Variants in NTM observed in about 807,000 individuals in gnomAD.
NTM encodes IgLON family member 2.
NTM carries 13 observed loss-of-function variants against 42.1 expected under a neutral mutation model. That is an observed-to-expected ratio of 0.31 (90% confidence interval 0.20 to 0.49). The LOEUF (loss-of-function observed/expected upper bound fraction) is 0.49. NTM is among the 20% of genes least tolerant of loss of function. The pLI is 0.99. For missense variants in NTM, 373 were observed against 452.8 expected (o/e 0.82, Z 1.60); for synonymous variants, 187 against 179.2 (o/e 1.04, Z -0.35).
chr11:131,393,306 G>A (rs1209589510), intron 1 of NTM, among the ~76,000 whole-genome samples: 1 of 152,134 alleles, frequency 6.6e-6, no homozygotes, highest in Non-Finnish European at 1.5e-5. Context: ...CCCACACATG[G>A]GCTCCTTCAT....
Position 131,878,819 on chromosome 11 carries a change from A to G in NTM, c.83-32745A>G, listed in dbSNP as rs192186396. Among the ~76,000 whole-genome samples, 5 of 151,594 alleles carry G rather than the reference A, an allele frequency of 3.3e-5. No homozygotes were observed. In the East Asian group the frequency reaches 9.7e-4, roughly 30 times the overall value. On this transcript the variant is annotated intron_variant, in intron 1 of 8. Transcript: ENST00000683400. The stretch of plus-strand genomic sequence containing the variant: ...GGCTGATGCTGCACTCATGAGTAAT[A>G]TCTCTTTAACGATGACTCTCTCTTA...
rs183518090 is a variant in NTM, at chr11:131,471,356, G to A, written c.82+100468G>A. Among the ~76,000 whole-genome samples, 15 of 152,296 alleles carry A rather than the reference G, an allele frequency of 9.8e-5. No homozygotes were observed. The East Asian group carries it at 2.7e-3, about 27-fold the overall frequency. ...GTGCTCTCTGTCAGGCACTGTCCTA[G>A]GAGATTCAAGGGTGATGAAGGCAGC... On this transcript the variant is annotated intron_variant, in intron 1 of 8. Transcript: ENST00000683400.
At chr11:131,618,096 G>A (rs563253877) in intron 1 of NTM, among the ~76,000 whole-genome samples, 1 of 152,214 alleles carries the variant, frequency 6.6e-6, no homozygotes, top group Non-Finnish European at 1.5e-5. Flanking sequence ...TCATTTGCAA[G>A]CTGTGCATTT....
intron 4 of NTM, among the ~76,000 whole-genome samples, chr11:132,233,053 A>G (rs1352299635): frequency 6.6e-6 from 1 of 152,216 alleles, no homozygotes; most frequent in Non-Finnish European, 1.5e-5. Context: ...ACGTTAGGAC[A>G]CAGCTGGGCA....
chr11:131,687,353 T>C (rs749791675), intron 1 of NTM, among the ~76,000 whole-genome samples: 9 of 151,902 alleles, frequency 5.9e-5, no homozygotes, highest in Admixed American at 1.3e-4. Context: ...CCCCTTCCAA[T>C]TGCGGCTTCG....
intron 1 of NTM, among the ~76,000 whole-genome samples, chr11:131,878,843 T>C (rs937628781): frequency 2.4e-4 from 37 of 151,698 alleles, no homozygotes; most frequent in African/African-American, 8.5e-4. Flanking sequence ...GACTCTCTCT[T>C]AAAATAAAGT....
At chr11:131,601,576 C>G (rs1052720974) in intron 1 of NTM, among the ~76,000 whole-genome samples, 3 of 151,940 alleles carry the variant, frequency 2.0e-5, no homozygotes, top group Admixed American at 6.6e-5. Flanking sequence ...ACCTCAAACC[C>G]CCTTCCCTCT....
intron 3 of NTM, among the ~76,000 whole-genome samples, chr11:132,163,139 C>T (rs756768696): frequency 6.6e-5 from 10 of 152,268 alleles, no homozygotes; most frequent in East Asian, 3.9e-4. Flanking sequence ...GGCCCAGCCA[C>T]GGGCAAGCAT....
rs55748005 is a variant in NTM at position 131,529,623 on chromosome 11, G to A, written c.82+158735G>A. On this transcript the variant is annotated intron_variant, in intron 1 of 8. Coordinates refer to ENST00000683400, the MANE Select transcript of NTM (RefSeq NM_001352005.2). Reference sequence around the variant, plus strand: ...TTAACACGCACCAACTGAAATCAAGGCTGCTCGGTGCATGTGTTGGTTTCA... The same window carrying A: ...TTAACACGCACCAACTGAAATCAAGACTGCTCGGTGCATGTGTTGGTTTCA... 1.8e-4 allele frequency among the ~76,000 whole-genome samples: 28 copies of A among 152,184 alleles called. No individual in the cohort carries two copies. The East Asian group carries it at 5.2e-3, about 28-fold the overall frequency.
intron 1 of NTM, among the ~76,000 whole-genome samples, chr11:131,836,443 G>C (rs541204951): frequency 2.6e-5 from 4 of 152,314 alleles, no homozygotes; most frequent in Non-Finnish European, 5.9e-5. Flanking sequence ...GTGTAGCACA[G>C]TGCTTGGAAC....
At chr11:132,315,059 GAA>G in intron 7 of NTM, 1 of 1,049,756 alleles carries the variant, frequency 9.5e-7, no homozygotes. Context: ...AAATACTTTG[GAA>G]TGCCAAAAAT....
chr11:131,502,444 A>G (rs750943919), intron 1 of NTM, among the ~76,000 whole-genome samples: 1 of 152,164 alleles, frequency 6.6e-6, no homozygotes, highest in Non-Finnish European at 1.5e-5. Context: ...AAAACTGACC[A>G]AGACCTGGAG....
At chr11:132,053,102 G>C (rs976774663) in intron 2 of NTM, among the ~76,000 whole-genome samples, 6 of 152,160 alleles carry the variant, frequency 3.9e-5, no homozygotes, top group Admixed American at 2.6e-4. Context: ...CAACAAAAAT[G>C]ATGAGCATCT....
chr11:131,671,567 C>T, intron 1 of NTM: 2 of 984,366 alleles, frequency 2.0e-6, no homozygotes, highest in Non-Finnish European at 2.4e-6. Flanking sequence ...GCTACCCTCA[C>T]CCTCCTCTGG....
At chr11:132,176,336 A>G (rs1230557346) in intron 3 of NTM, among the ~76,000 whole-genome samples, 1 of 148,836 alleles carries the variant, frequency 6.7e-6, no homozygotes, top group Non-Finnish European at 1.5e-5. Flanking sequence ...TCAATTATGG[A>G]TATAGAAGCA....
chr11:132,070,044 G>A (rs534032242), intron 2 of NTM, among the ~76,000 whole-genome samples: 3 of 136,712 alleles, frequency 2.2e-5, no homozygotes, highest in Middle Eastern at 5.1e-3. Flanking sequence ...GACCGTCACA[G>A]GTTAGTTAAC....
intron 4 of NTM, among the ~76,000 whole-genome samples, chr11:132,256,885 GTGTT>G (rs2092525034): frequency 6.6e-6 from 1 of 152,172 alleles, no homozygotes; most frequent in Admixed American, 6.5e-5. Flanking sequence ...CAGGATGTGT[GTGTT>G]TGTCTGGCTG....
chr11:131,911,165 G>C (rs1404220591), intron 1 of NTM: 1 of 1,307,216 alleles, frequency 7.6e-7, no homozygotes, highest in African/African-American at 1.5e-5. Context: ...CTCCTGAGAC[G>C]CGCCCACACC....
intron 1 of NTM, among the ~76,000 whole-genome samples, chr11:131,813,244 T>C (rs73579933): frequency 0.18 from 26,636 of 152,160 alleles, 4,338 homozygotes; most frequent in African/African-American, 0.44. Context: ...CATCATGACA[T>C]TGAATGATTT....
Sources: allele counts gnomAD v4.1 joint callset (sites outside exome capture counted in the v4.1 genomes callset), GRCh38; gene constraint gnomAD v4.1.1; transcripts MANE v1.5; gene names NCBI Gene and HGNC (gene_info 2026-07-23, HGNC 2026-07-21).